Variants in DCC observed in about 807,000 individuals in gnomAD.
The protein encoded by DCC is netrin receptor DCC.
A neutral mutation model predicts 172.5 loss-of-function variants in DCC; 58 were observed. The ratio of observed to expected loss-of-function variants is 0.34; its 90% CI spans 0.27 to 0.42. The LOEUF (loss-of-function observed/expected upper bound fraction) is 0.42. DCC is among the 10% of genes least tolerant of loss of function. The pLI, the probability that DCC is intolerant of heterozygous loss-of-function variation, is 1.00. For synonymous variants in DCC, 709 were observed against 644.5 expected, an observed-to-expected ratio of 1.10 and a Z score of -1.52; for missense variants, 1,740 against 1,791.0, an observed-to-expected ratio of 0.97 and a Z score of 0.51.
intron 2 of DCC, among the ~76,000 whole-genome samples, chr18:52,776,666 C>G (rs73463762): frequency 6.6e-6 from 1 of 151,928 alleles, no homozygotes; most frequent in Admixed American, 6.6e-5. Flanking sequence ...ATCTACTATA[C>G]GATTTAAGAA....
At chr18:53,177,041 A>G (rs1221912282) in intron 8 of DCC, among the ~76,000 whole-genome samples, 2 of 152,132 alleles carry the variant, frequency 1.3e-5, no homozygotes, top group African/African-American at 4.8e-5. Flanking sequence ...GACATGGATG[A>G]AATTGGCAAT....
At chr18:52,598,208 T>C (rs1202319501) in intron 1 of DCC, among the ~76,000 whole-genome samples, 1 of 152,222 alleles carries the variant, frequency 6.6e-6, no homozygotes, top group Non-Finnish European at 1.5e-5. Flanking sequence ...TTTATACTTT[T>C]AAAAACAATT....
chr18:53,403,863 T>A (rs1909476171), intron 19 of DCC, among the ~76,000 whole-genome samples: 1 of 152,208 alleles, frequency 6.6e-6, no homozygotes, highest in African/African-American at 2.4e-5. Flanking sequence ...AATGAAAAGA[T>A]AACGTGAAAA....
At chr18:52,852,180 G>A (rs1272480220) in intron 2 of DCC, among the ~76,000 whole-genome samples, 2 of 152,034 alleles carry the variant, frequency 1.3e-5, no homozygotes, top group African/African-American at 4.8e-5. Context: ...CATATCAAGA[G>A]AAGAAATAAA....
chr18:52,504,482 C>A (rs976054627), intron 1 of DCC, among the ~76,000 whole-genome samples: 2 of 152,122 alleles, frequency 1.3e-5, no homozygotes, highest in African/African-American at 4.8e-5. Flanking sequence ...AAAGACTGAA[C>A]AAGCTAGGGC....
rs533136814 is a variant in DCC at position 52,710,268 on chromosome 18, C to G, written c.92-41786C>G. ...TATCATGCAGCTATTAAATTATCAC[C>G]AAATAATTTTATTGTACATGAAAAT... On this transcript the variant is annotated intron_variant, in intron 1 of 28. Coordinates refer to ENST00000442544, the MANE Select transcript of DCC (RefSeq NM_005215.4). Among the ~76,000 whole-genome samples, 33 of 152,274 alleles carry G rather than the reference C, an allele frequency of 2.2e-4. 1 individual carries two copies. Among genetic ancestry groups the G allele is most frequent in the Middle Eastern group, 3.4e-3 (1 of 294 alleles).
At chr18:52,571,371 T>C (rs1253027499) in intron 1 of DCC, among the ~76,000 whole-genome samples, 1 of 135,240 alleles carries the variant, frequency 7.4e-6, no homozygotes, top group Non-Finnish European at 1.7e-5. Flanking sequence ...CAAGCATGGG[T>C]CAGTGTTTCT....
At chr18:52,665,814 C>T (rs1452125695) in intron 1 of DCC, among the ~76,000 whole-genome samples, 2 of 152,026 alleles carry the variant, frequency 1.3e-5, no homozygotes, top group African/African-American at 4.8e-5. Flanking sequence ...TTTTTCTCTG[C>T]CTATGAAACT....
intron 5 of DCC, among the ~76,000 whole-genome samples, chr18:52,986,153 G>T (rs908744131): frequency 1.3e-5 from 2 of 152,142 alleles, no homozygotes; most frequent in African/African-American, 2.4e-5. Context: ...GACCAACTAG[G>T]TTGGTGACCT....
intron 1 of DCC, among the ~76,000 whole-genome samples, chr18:52,724,171 C>T (rs1159706058): frequency 6.6e-6 from 1 of 152,032 alleles, no homozygotes; most frequent in African/African-American, 2.4e-5. Context: ...TTAAAAAATA[C>T]AGTCTCACTC....
chr18:52,815,786 A>T (rs56207171), intron 2 of DCC, among the ~76,000 whole-genome samples: 1,751 of 152,342 alleles, frequency 0.011, 20 homozygotes, highest in Middle Eastern at 0.02. Context: ...ATATATCTCC[A>T]ATGATATAGG....
intron 2 of DCC, among the ~76,000 whole-genome samples, chr18:52,776,482 T>A (rs930838641): frequency 3.9e-5 from 6 of 152,076 alleles, no homozygotes; most frequent in African/African-American, 1.2e-4. Context: ...TAGGATTAGG[T>A]CAAGAGTTCT....
intron 5 of DCC, among the ~76,000 whole-genome samples, chr18:52,997,456 A>T (rs1420894627): frequency 1.3e-5 from 2 of 152,118 alleles, no homozygotes; most frequent in Non-Finnish European, 2.9e-5. Flanking sequence ...TAGACACATA[A>T]AAACCTAAGT....
intron 3 of DCC, among the ~76,000 whole-genome samples, chr18:52,917,061 T>C (rs563468941): frequency 6.8e-6 from 1 of 147,126 alleles, no homozygotes; most frequent in Non-Finnish European, 1.5e-5. Flanking sequence ...GACAGGCAGA[T>C]TGCTTGAGCT....
intron 21 of DCC, among the ~76,000 whole-genome samples, chr18:53,432,250 G>T (rs1911665335): frequency 6.6e-6 from 1 of 152,090 alleles, no homozygotes; most frequent in Non-Finnish European, 1.5e-5. Context: ...ACCATCTGCA[G>T]TTGGTTAATA....
intron 1 of DCC, among the ~76,000 whole-genome samples, chr18:52,703,010 A>G (rs2036151121): frequency 6.6e-6 from 1 of 152,010 alleles, no homozygotes; most frequent in Non-Finnish European, 1.5e-5. Flanking sequence ...TACCTACCTA[A>G]CTCCAAACAT....
At chr18:53,452,359 T>C (rs1048556179) in intron 23 of DCC, among the ~76,000 whole-genome samples, 9 of 152,186 alleles carry the variant, frequency 5.9e-5, no homozygotes, top group African/African-American at 2.2e-4. Flanking sequence ...CTATCTGTAG[T>C]GGGTTTGTTT....
intron 7 of DCC, among the ~76,000 whole-genome samples, chr18:53,143,568 T>G (rs1180114017): frequency 4.6e-5 from 7 of 152,210 alleles, no homozygotes; most frequent in African/African-American, 1.7e-4. Flanking sequence ...TTTCTAGTCA[T>G]CCCTTAGTGA....
intron 2 of DCC, among the ~76,000 whole-genome samples, chr18:52,870,654 C>T (rs1189192015): frequency 1.3e-5 from 2 of 151,872 alleles, no homozygotes; most frequent in African/African-American, 4.8e-5. Flanking sequence ...GACAACCAGA[C>T]GGTCCCACCT....
Sources: allele counts gnomAD v4.1 joint callset (sites outside exome capture counted in the v4.1 genomes callset), GRCh38; gene constraint gnomAD v4.1.1; transcripts MANE v1.5; gene names NCBI Gene and HGNC (gene_info 2026-07-23, HGNC 2026-07-21).